Variants in THSD7A observed in about 807,000 individuals in gnomAD.
THSD7A encodes the protein thrombospondin type-1 domain-containing protein 7A.
In THSD7A, 96 loss-of-function variants were observed where a neutral mutation model predicts 231.3. The observed-to-expected ratio is 0.41, with a 90% CI of 0.35 to 0.49. The LOEUF is 0.49. Ranked by LOEUF, THSD7A falls within the 20% of genes least tolerant of loss-of-function variation. The pLI is 0.05. For synonymous variants in THSD7A, 940 were observed against 743.3 expected (o/e 1.26, Z -4.30); for missense variants, 2,290 against 2,070.2 (o/e 1.11, Z -2.06).
At chr7:11,559,713 C>T (rs999555760) in intron 4 of THSD7A, among the ~76,000 whole-genome samples, 8 of 151,970 alleles carry the variant, frequency 5.3e-5, no homozygotes, top group South Asian at 4.2e-4. Flanking sequence ...TAACCACTAA[C>T]GGTCACATTA....
intron 1 of THSD7A, among the ~76,000 whole-genome samples, chr7:11,788,250 T>C (rs1156293827): frequency 1.3e-5 from 2 of 152,110 alleles, no homozygotes; most frequent in Non-Finnish European, 2.9e-5. Context: ...TCCACAGTTC[T>C]TTCTTGATGC....
At chr7:11,468,176 A>C (rs1399393946) in intron 9 of THSD7A, among the ~76,000 whole-genome samples, 1 of 152,132 alleles carries the variant, frequency 6.6e-6, no homozygotes, top group Non-Finnish European at 1.5e-5. Context: ...TGGAATTATT[A>C]GTAAATGAAC....
chr7:11,740,805 C>T (rs1782087370), intron 1 of THSD7A, among the ~76,000 whole-genome samples: 2 of 151,996 alleles, frequency 1.3e-5, no homozygotes, highest in South Asian at 2.1e-4. Flanking sequence ...ATCTGCTTCT[C>T]TCCCTAGAAC....
chr7:11,634,817 G>T lies in THSD7A; in HGVS notation c.1022+1313C>A, dbSNP rs962127925. 6.6e-6 allele frequency among the ~76,000 whole-genome samples: 1 copy of T among 152,100 alleles called. No individual in the cohort carries two copies. Among genetic ancestry groups the T allele is most frequent in the African/African-American group, 2.4e-5 (1 of 41,412 alleles). On this transcript the variant is annotated intron_variant, in intron 2 of 27. Transcript: ENST00000423059. This position sits in a 1 kb window ranked among gnomAD's most constrained non-coding sequence, Gnocchi z 4.1. ...CAGTAACCAGAACTCTATGATGAGA[G>T]AAAGTTATTGTCTTAGACAGACCAA...
At chr7:11,379,349 G>A (rs1415206434) in intron 25 of THSD7A, 69 bp from the exon 26 acceptor site, 1 of 1,482,684 alleles carries the variant, frequency 6.7e-7, no homozygotes, top group Non-Finnish European at 9.4e-7. Flanking sequence ...GACCTGACTT[G>A]AAGAGAAGGC....
intron 6 of THSD7A, among the ~76,000 whole-genome samples, chr7:11,503,648 G>A (rs1244824770): frequency 6.6e-6 from 1 of 152,064 alleles, no homozygotes; most frequent in Non-Finnish European, 1.5e-5. Context: ...AGTGGGCAAA[G>A]GACATGAACA....
At chr7:11,740,932 T>C (rs1277747636) in intron 1 of THSD7A, among the ~76,000 whole-genome samples, 2 of 151,962 alleles carry the variant, frequency 1.3e-5, no homozygotes, top group East Asian at 3.9e-4. Context: ...AACATGTGAA[T>C]TACATAACGC....
At chr7:11,628,478 T>C (rs541463114) in intron 2 of THSD7A, among the ~76,000 whole-genome samples, 2 of 152,322 alleles carry the variant, frequency 1.3e-5, no homozygotes, top group East Asian at 3.9e-4. Context: ...GCATTTTCTC[T>C]AGGAGGCCAT....
At chr7:11,436,404 A>G (rs974402428) in intron 13 of THSD7A, among the ~76,000 whole-genome samples, 1 of 152,100 alleles carries the variant, frequency 6.6e-6, no homozygotes, top group Non-Finnish European at 1.5e-5. Context: ...ATTAAACATA[A>G]TTTTAACAAA....
At chr7:11,473,987 A>G (rs1230961466) in intron 8 of THSD7A, among the ~76,000 whole-genome samples, 1 of 152,044 alleles carries the variant, frequency 6.6e-6, no homozygotes, top group Non-Finnish European at 1.5e-5. Flanking sequence ...GAGGTCATGG[A>G]TGACCTACAC....
intron 1 of THSD7A, among the ~76,000 whole-genome samples, chr7:11,776,022 C>G (rs536136181): frequency 9.9e-5 from 15 of 152,212 alleles, no homozygotes; most frequent in African/African-American, 3.4e-4. Context: ...ATTTGATATT[C>G]TTTTAAAACG....
intron 1 of THSD7A, among the ~76,000 whole-genome samples, chr7:11,777,816 C>A (rs1783466482): frequency 6.6e-6 from 1 of 151,996 alleles, no homozygotes; most frequent in Non-Finnish European, 1.5e-5. Flanking sequence ...CTGAATGTAT[C>A]ACACCATGGA....
chr7:11,476,834 AAG>A (rs769367669), intron 7 of THSD7A, among the ~76,000 whole-genome samples: 17,565 of 147,486 alleles, frequency 0.12, 1,147 homozygotes, highest in Middle Eastern at 0.17. Flanking sequence ...AAAAAAAAAA[AAG>A]ATAGTGTAGA....
At chr7:11,529,447 T>C (rs183247470) in intron 6 of THSD7A, among the ~76,000 whole-genome samples, 8 of 152,204 alleles carry the variant, frequency 5.3e-5, no homozygotes, top group Admixed American at 3.9e-4. Flanking sequence ...CCAAATCTCA[T>C]CTTGAATTGT....
At chr7:11,768,492 A>C (rs896862096) in intron 1 of THSD7A, among the ~76,000 whole-genome samples, 5 of 152,168 alleles carry the variant, frequency 3.3e-5, no homozygotes, top group African/African-American at 1.2e-4. Flanking sequence ...CATGAGACTG[A>C]AAGCCTCTTT....
chr7:11,615,156 A>G (rs1221316026), intron 2 of THSD7A, among the ~76,000 whole-genome samples: 1 of 152,158 alleles, frequency 6.6e-6, no homozygotes, highest in Non-Finnish European at 1.5e-5. Context: ...CATGTGGCCT[A>G]AGCTTCATAA....
intron 1 of THSD7A, among the ~76,000 whole-genome samples, chr7:11,720,767 G>A (rs1781322797): frequency 1.3e-5 from 2 of 151,662 alleles, no homozygotes. Flanking sequence ...TTGCTTGAAT[G>A]TTCAGCAGTG....
chr7:11,446,506 T>C lies in THSD7A; in HGVS notation c.2801-182A>G, dbSNP rs540463743. The stretch of plus-strand genomic sequence containing the variant: ...TTTTCTACATAGGCTCCTGTTGGTA[T>C]TGGGTGCTTTGCATAGTAAAATTTG... On this transcript the variant is annotated intron_variant, in intron 12 of 27. Coordinates refer to ENST00000423059, the MANE Select transcript of THSD7A (RefSeq NM_015204.3). The surrounding 1 kb of genome is among the most constrained non-coding windows in gnomAD (Gnocchi z 4.0). Among the ~76,000 whole-genome samples the C allele has an allele frequency of 6.6e-6, 1 of 152,278 alleles. No homozygotes were observed. The highest frequency in any genetic ancestry group is 1.9e-4 in the East Asian group (1 of 5,170).
At chr7:11,665,292 G>C (rs1319467729) in intron 1 of THSD7A, among the ~76,000 whole-genome samples, 4 of 152,056 alleles carry the variant, frequency 2.6e-5, no homozygotes, top group African/African-American at 9.7e-5. Flanking sequence ...GCCCATTAAT[G>C]TTAATTGCCA....
Sources: allele counts gnomAD v4.1 joint callset (sites outside exome capture counted in the v4.1 genomes callset), GRCh38; gene constraint gnomAD v4.1.1; non-coding constraint Gnocchi (gnomAD v3.1); transcripts MANE v1.5; gene names NCBI Gene and HGNC (gene_info 2026-07-23, HGNC 2026-07-21).